Variants in OXGR1 observed in about 807,000 individuals in gnomAD.
OXGR1 encodes the protein 2-oxoglutarate receptor 1.
In OXGR1, 10 loss-of-function variants were observed where a neutral mutation model predicts 10.0. That is an observed-to-expected ratio of 1.00 (90% confidence interval 0.62 to 1.70). The LOEUF (loss-of-function observed/expected upper bound fraction) is 1.70. OXGR1 is among the 40% of genes most tolerant of loss of function. The pLI, the probability that OXGR1 is intolerant of heterozygous loss-of-function variation, is 0.00. For synonymous variants in OXGR1, 191 were observed against 155.9 expected (o/e 1.22, Z -1.68); for missense variants, 398 against 407.6 (o/e 0.98, Z 0.20).
chr13:96,986,919 G>A lies in OXGR1; in HGVS notation c.841C>T (p.His281Tyr). ...SISCSIENQIHEAYIVSRPLA... is the reference protein window; with the variant it reads ...SISCSIENQIYEAYIVSRPLA... ...GGTCTAGAAACGATGTAAGCTTCAT[G>A]GATCTGATTCTCAATGGAACAACTG... The change falls in exon 4 of 4, where the codon CAT becomes TAT. Residue 281 changes from histidine to tyrosine, a missense_variant. Physicochemically the swap from His to Tyr is moderately conservative, Grantham distance 83 (BLOSUM62 2). Transcript: ENST00000541038. The A allele has an allele frequency of 6.2e-7, 1 of 1,614,170 alleles. No individual in the cohort carries two copies. Among genetic ancestry groups the A allele is most frequent in the East Asian group, 2.2e-5 (1 of 44,874 alleles).
rs575341391 is a variant in OXGR1 at position 96,986,687 on chromosome 13, T to G, written c.*59A>C. ...CATTGAGGGAGACATCCTGAACATC[T>G]TAGGATGCTAGGTAAAGTATCAGCA... On this transcript the variant is annotated 3_prime_UTR_variant, in exon 4 of 4. Coordinates refer to ENST00000541038, the MANE Select transcript of OXGR1 (RefSeq NM_001346194.2). 4.6e-6 allele frequency: 7 copies of G among 1,519,742 alleles called. No individual in the cohort carries two copies. In the South Asian group the frequency reaches 9.1e-5, roughly 20 times the overall value. 94.1% of individuals were successfully genotyped at this position (1,519,742 alleles called of 1,614,324 possible). A position where few individuals can be genotyped will look rare whatever the true frequency, so the allele number is the denominator to read the frequency against.
chr13:96,986,645 G>T lies in OXGR1; in HGVS notation c.*101C>A. The T allele has an allele frequency of 7.9e-7, 1 of 1,262,914 alleles. No homozygotes were observed. Among genetic ancestry groups the T allele is most frequent in the Non-Finnish European group, 1.1e-6 (1 of 916,802 alleles). 78.2% of individuals were successfully genotyped at this position (1,262,914 alleles called of 1,614,324 possible). ...TGGCACATGATTACTTGAATACACA[G>T]TATTTACCAGGAGTTCCATTGAGGG... On this transcript the variant is annotated 3_prime_UTR_variant, in exon 4 of 4. Coordinates refer to ENST00000541038, the MANE Select transcript of OXGR1 (RefSeq NM_001346194.2).
Position 96,986,476 on chromosome 13 carries a change from T to G in OXGR1, c.*270A>C, listed in dbSNP as rs1466134847. 1 of 386,198 alleles carries G rather than the reference T, an allele frequency of 2.6e-6. No individual in the cohort carries two copies. The highest frequency in any genetic ancestry group is 5.1e-5 in the East Asian group (1 of 19,428). 23.9% of individuals were successfully genotyped at this position (386,198 alleles called of 1,614,324 possible). On this transcript the variant is annotated 3_prime_UTR_variant, in exon 4 of 4. Coordinates refer to ENST00000541038, the MANE Select transcript of OXGR1 (RefSeq NM_001346194.2). ...TATAGTAAGTTGGTGGGAACAGATGTTCTCTAAGATGCCTCTGAGTTCCAA... is the reference window on the plus strand; with the variant it reads ...TATAGTAAGTTGGTGGGAACAGATGGTCTCTAAGATGCCTCTGAGTTCCAA...
At chr13:96,991,577 T>C (rs1460655601) in intron 2 of OXGR1, among the ~76,000 whole-genome samples, 1 of 152,126 alleles carries the variant, frequency 6.6e-6, no homozygotes, top group Non-Finnish European at 1.5e-5. Flanking sequence ...CTAAGCTAGG[T>C]TCAGCATGAA....
rs761116283 is a variant in OXGR1, at chr13:96,987,697, A to G, written c.63T>C (p.Phe21=). 2.5e-6 allele frequency: 4 copies of G among 1,613,156 alleles called. No homozygotes were observed. In the South Asian group the frequency reaches 4.4e-5, roughly 18 times the overall value. ...GGATGTTTTCATCAGTGCAATTTCC[A>G]AAAGCAGCTGCATAATCGGGGAAAT... ...ASDFPDYAAA[F]GNCTDENIPL... is the part of the protein sequence containing the mutation. Residue 21 remains phenylalanine (F), a synonymous_variant, in exon 4 of 4, where the codon TTT becomes TTC. Coordinates refer to ENST00000541038, the MANE Select transcript of OXGR1 (RefSeq NM_001346194.2).
chr13:96,988,953 C>T (rs954411627), intron 3 of OXGR1, among the ~76,000 whole-genome samples: 5 of 152,122 alleles, frequency 3.3e-5, no homozygotes, highest in Non-Finnish European at 7.4e-5. Flanking sequence ...GAGATACAAA[C>T]TGAATAACAC....
chr13:96,990,193 T>C (rs977321202), intron 2 of OXGR1, among the ~76,000 whole-genome samples: 2 of 152,184 alleles, frequency 1.3e-5, no homozygotes, highest in East Asian at 3.9e-4. Context: ...CTTGGCAGAA[T>C]GTCTTAAATG....
In OXGR1 at chr13:96,986,973, T is replaced by A. The variant is rs140375156; in HGVS notation, c.787A>T (p.Ile263Phe). 5 of 1,614,090 alleles carry A rather than the reference T, an allele frequency of 3.1e-6. No individual in the cohort carries two copies. The African/African-American group carries it at 6.7e-5, about 22-fold the overall frequency. ...CFLPFHILRV[I>F]RIESRLLSIS... ...GAAAGCAGGCGAGATTCGATCCGAA[T>A]GACCCTCAAGATATGGAAGGGTAAA... is the stretch of plus-strand genomic sequence containing the variant. The change falls in exon 4 of 4, where the codon ATT (isoleucine) becomes TTT (phenylalanine). Residue 263 changes from isoleucine to phenylalanine, a missense_variant. Coordinates refer to ENST00000541038, the MANE Select transcript of OXGR1 (RefSeq NM_001346194.2).
In OXGR1 at chr13:96,986,580, A is replaced by G. The variant is rs935282973; in HGVS notation, c.*166T>C. ...TATATCTCCCCAGTGGAGGAGCTCAATAAAGGGATTGCAAAGAACTAGAAG... is the reference window on the plus strand; with the variant it reads ...TATATCTCCCCAGTGGAGGAGCTCAGTAAAGGGATTGCAAAGAACTAGAAG... On this transcript the variant is annotated 3_prime_UTR_variant, in exon 4 of 4. Transcript: ENST00000541038. 1.4e-5 allele frequency: 9 copies of G among 662,214 alleles called. No homozygotes were observed. The highest frequency in any genetic ancestry group is 2.0e-5 in the South Asian group (1 of 50,660). The allele number at this position is 662,214 out of a possible 1,614,324, so 41.0% of individuals were successfully genotyped here.
In OXGR1 at chr13:96,986,656, G is replaced by T. The variant is rs1007456391; in HGVS notation, c.*90C>A. The T allele has an allele frequency of 5.3e-6, 7 of 1,330,112 alleles. No homozygotes were observed. In the Admixed American group the frequency reaches 8.9e-5, roughly 17 times the overall value. The allele number at this position is 1,330,112 out of a possible 1,614,324, so 82.4% of individuals were successfully genotyped here. On this transcript the variant is annotated 3_prime_UTR_variant, in exon 4 of 4. Coordinates refer to ENST00000541038, the MANE Select transcript of OXGR1 (RefSeq NM_001346194.2). ...TACTTGAATACACAGTATTTACCAGGAGTTCCATTGAGGGAGACATCCTGA... is the reference window on the plus strand; with the variant it reads ...TACTTGAATACACAGTATTTACCAGTAGTTCCATTGAGGGAGACATCCTGA...
chr13:96,986,623 C>T lies in OXGR1; in HGVS notation c.*123G>A. On this transcript the variant is annotated 3_prime_UTR_variant, in exon 4 of 4. Coordinates refer to ENST00000541038, the MANE Select transcript of OXGR1 (RefSeq NM_001346194.2). ...ACTAGAAGCTCTGCCCTGGCTTTGG[C>T]ACATGATTACTTGAATACACAGTAT... The T allele has an allele frequency of 1.9e-6, 2 of 1,053,588 alleles. No individual in the cohort carries two copies. The highest frequency in any genetic ancestry group is 2.7e-6 in the Non-Finnish European group (2 of 737,610). 65.3% of individuals were successfully genotyped at this position (1,053,588 alleles called of 1,614,324 possible). A position where few individuals can be genotyped will look rare whatever the true frequency, so the allele number is the denominator to read the frequency against.
At position 96,987,685 on chromosome 13, in the gene OXGR1, A is replaced by C. The variant is rs1881845911; in HGVS notation, c.75T>G (p.Thr25=). 2 of 1,613,640 alleles carry C rather than the reference A, an allele frequency of 1.2e-6. No individual in the cohort carries two copies. The highest frequency in any genetic ancestry group is 2.2e-5 in the South Asian group (2 of 90,934). ...PDYAAAFGNC[T]DENIPLKMHY... is the part of the protein sequence containing the mutation. Reference sequence around the variant, plus strand: ...GCATCTTGAGTGGGATGTTTTCATCAGTGCAATTTCCAAAAGCAGCTGCAT... The same window carrying C: ...GCATCTTGAGTGGGATGTTTTCATCCGTGCAATTTCCAAAAGCAGCTGCAT... The change falls in exon 4 of 4, where the codon ACT becomes ACG. Residue 25 remains threonine, a synonymous_variant. Transcript: ENST00000541038.
At chr13:96,992,082 G>T (rs1205564591) in intron 2 of OXGR1, among the ~76,000 whole-genome samples, 1 of 151,968 alleles carries the variant, frequency 6.6e-6, no homozygotes, top group Non-Finnish European at 1.5e-5. Flanking sequence ...ACCAGAAGCT[G>T]GGAAGAGTAG....
rs1169381228 is a variant in OXGR1, at chr13:96,986,100, A to G, written c.*646T>C. ...TAAAAACTTTTTAACAACAATAAAG[A>G]CATAATACTCCAAATATATTGCAGG... On this transcript the variant is annotated 3_prime_UTR_variant, in exon 4 of 4. Coordinates refer to ENST00000541038, the MANE Select transcript of OXGR1 (RefSeq NM_001346194.2). The G allele has an allele frequency of 1.3e-5, 2 of 152,232 alleles. No individual in the cohort carries two copies. The highest frequency in any genetic ancestry group is 2.9e-5 in the Non-Finnish European group (2 of 68,054). 9.4% of individuals were successfully genotyped at this position (152,232 alleles called of 1,614,324 possible).
chr13:96,992,270 A>G (rs572081543), intron 2 of OXGR1, among the ~76,000 whole-genome samples, 152 bp downstream of exon 2: 2 of 152,254 alleles, frequency 1.3e-5, no homozygotes, highest in Non-Finnish European at 2.9e-5. Flanking sequence ...CAAAGGATGC[A>G]TGCTCGAGTG....
In OXGR1 at chr13:96,989,824, G is replaced by GA. The variant is rs1456380298; in HGVS notation, c.-126-16dup. On this transcript the variant is annotated splice_polypyrimidine_tract_variant and intron_variant, in intron 2 of 3. Transcript: ENST00000541038. ...TCAGGATTACCCTAAATAATAGAGG[G>GA]AAAAACAAGTGTGAAGACAGGAAAA... 1 of 152,066 alleles carries GA rather than the reference G, an allele frequency of 6.6e-6. No individual in the cohort carries two copies. Among genetic ancestry groups the GA allele is most frequent in the Non-Finnish European group, 1.5e-5 (1 of 68,018 alleles). 9.4% of individuals were successfully genotyped at this position (152,066 alleles called of 1,614,324 possible).
intron 3 of OXGR1, among the ~76,000 whole-genome samples, chr13:96,989,023 TAAC>T (rs1220193208): frequency 1.3e-5 from 2 of 152,162 alleles, no homozygotes; most frequent in Non-Finnish European, 2.9e-5. Flanking sequence ...CAAATTATTT[TAAC>T]AAAATATAAA....
chr13:96,987,360 C>T lies in OXGR1; in HGVS notation c.400G>A (p.Val134Met). 1 of 1,614,174 alleles carries T rather than the reference C, an allele frequency of 6.2e-7. No homozygotes were observed. Among genetic ancestry groups the T allele is most frequent in the Non-Finnish European group, 8.5e-7 (1 of 1,180,024 alleles). ...AAGCAGCTCATTGGGTGAATGATCA[C>T]ACAGTAGCGGAAGATGCTGAAACAG... ...LTCFSIFRYC[V>M]IIHPMSCFSI... The change falls in exon 4 of 4, where the codon GTG becomes ATG. Residue 134 changes from valine to methionine, a missense_variant. By Grantham distance (21) the Val-to-Met change is conservative. Transcript: ENST00000541038.
intron 1 of OXGR1, among the ~76,000 whole-genome samples, chr13:96,993,775 A>C (rs1882178130): frequency 6.6e-6 from 1 of 151,498 alleles, no homozygotes; most frequent in Non-Finnish European, 1.5e-5. Context: ...GACAGAGAAG[A>C]AAGACATTTC....
Sources: allele counts gnomAD v4.1 joint callset (sites outside exome capture counted in the v4.1 genomes callset), GRCh38; gene constraint gnomAD v4.1.1; transcripts MANE v1.5; gene names NCBI Gene and HGNC (gene_info 2026-07-23, HGNC 2026-07-21).